The following BRD7 variants were observed in gnomAD, a reference collection of about 807,000 sequenced individuals.
BRD7 encodes bromodomain-containing protein 7.
BRD7 carries 15 observed loss-of-function variants against 82.1 expected under a neutral mutation model. The ratio of observed to expected loss-of-function variants is 0.18; its 90% CI spans 0.12 to 0.28. The LOEUF (loss-of-function observed/expected upper bound fraction) is 0.28. Ranked by LOEUF, BRD7 falls within the 10% of genes least tolerant of loss-of-function variation. The pLI is 1.00. For synonymous variants in BRD7, 232 were observed against 266.9 expected (o/e 0.87, Z 1.27); for missense variants, 638 against 779.9 (o/e 0.82, Z 2.17).
intron 2 of BRD7, among the ~76,000 whole-genome samples, chr16:50,364,609 A>G (rs2039066779): frequency 6.6e-6 from 1 of 152,194 alleles, no homozygotes; most frequent in Non-Finnish European, 1.5e-5. Flanking sequence ...ATACAATGGG[A>G]CTAATGATCT....
At position 50,325,817 on chromosome 16, in the gene BRD7, A is replaced by G; in HGVS notation, c.1262T>C (p.Ile421Thr). 2 of 1,612,552 alleles carry G rather than the reference A, an allele frequency of 1.2e-6. No individual in the cohort carries two copies. Among genetic ancestry groups the G allele is most frequent in the Admixed American group, 1.7e-5 (1 of 59,596 alleles). ...APHYDSTFAN[I>T]SKDDSDLIYS... is the part of the protein sequence containing the mutation. ...GATTAAATCAGAATCATCCTTGCTG[A>G]TATTTGCAAATGTGGAGTCATAATG... is the stretch of plus-strand genomic sequence containing the variant. The change falls in exon 11 of 17, where the codon ATC becomes ACC. Residue 421 changes from isoleucine (I) to threonine (T), a missense_variant. Ile to Thr is a moderately conservative substitution (Grantham distance 89). Transcript: ENST00000394688.
At chr16:50,334,524 C>CAA (rs988101084) in intron 7 of BRD7, among the ~76,000 whole-genome samples, 187 bp downstream of exon 7, 2 of 152,242 alleles carry the variant, frequency 1.3e-5, no homozygotes, top group Middle Eastern at 6.8e-3. Flanking sequence ...TGTGTTTGGA[C>CAA]AATCCCATAT....
In BRD7 at chr16:50,352,442, A is replaced by T. The variant is rs2038566305; in HGVS notation, c.446+1983T>A. ...ATACCACATTTTAAAAAATGCATTC[A>T]TCCATTGATGGGCACTTAGACTGAT... On this transcript the variant is annotated intron_variant, in intron 4 of 16. Transcript: ENST00000394688. Among the ~76,000 whole-genome samples the T allele has an allele frequency of 2.0e-5, 3 of 152,322 alleles. No homozygotes were observed. The South Asian group carries it at 6.2e-4, about 32-fold the overall frequency.
chr16:50,345,025 A>G (rs1479431196), intron 5 of BRD7, among the ~76,000 whole-genome samples: 1 of 152,208 alleles, frequency 6.6e-6, no homozygotes, highest in African/African-American at 2.4e-5. Context: ...GAGAAAGGTC[A>G]GGTTACCCAC....
Position 50,325,767 on chromosome 16 carries a change from C to G in BRD7, c.1312G>C (p.Asp438His), listed in dbSNP as rs758888953. 2 of 1,596,738 alleles carry G rather than the reference C, an allele frequency of 1.3e-6. No individual in the cohort carries two copies. The highest frequency in any genetic ancestry group is 4.5e-5 in the East Asian group (2 of 44,636). The part of the protein sequence containing the change: ...LIYSTYGEDS[D>H]LPSDFSIHEF... Reference sequence around the variant, plus strand: ...ACTCACCTGAAATCACTTGGAAGATCAGAGTCTTCCCCATAGGTTGAATAG... The same window carrying G: ...ACTCACCTGAAATCACTTGGAAGATGAGAGTCTTCCCCATAGGTTGAATAG... The change falls in exon 11 of 17, where the codon GAT becomes CAT. Residue 438 changes from aspartate to histidine, a missense_variant. Asp to His is a moderately conservative substitution (Grantham distance 81). Transcript: ENST00000394688.
In BRD7 at chr16:50,317,853, AAAT is replaced by A; in HGVS notation, c.*1355_*1357del. 1 of 152,414 alleles carries A rather than the reference AAAT, an allele frequency of 6.6e-6. No individual in the cohort carries two copies. Among genetic ancestry groups the A allele is most frequent in the East Asian group, 1.9e-4 (1 of 5,294 alleles). 9.4% of individuals were successfully genotyped at this position (152,414 alleles called of 1,614,324 possible). A position where few individuals can be genotyped will look rare whatever the true frequency, so the allele number is the denominator to read the frequency against. The stretch of plus-strand genomic sequence containing the variant: ...ATTTCTCCTGAGTTAACTTTTGTGA[AAAT>A]AATACCTAAGGTTTTCTGGCTTATT... On this transcript the variant is annotated 3_prime_UTR_variant, in exon 17 of 17. Transcript: ENST00000394688.
intron 13 of BRD7, 134 bp downstream of exon 13, chr16:50,321,848 T>A: frequency 6.6e-6 from 5 of 761,482 alleles, no homozygotes; most frequent in Non-Finnish European, 8.8e-6. Flanking sequence ...GGTTTGCCAT[T>A]TCAGCTAGGC....
Position 50,342,192 on chromosome 16 carries a change from A to G in BRD7, c.592-2106T>C, listed in dbSNP as rs2038093136. Reference sequence around the variant, plus strand: ...TCATGCAGAAAAAAAACAAAAAACAAAAAACTGTGAAATTCTTTCCCATTA... The same window carrying G: ...TCATGCAGAAAAAAAACAAAAAACAGAAAACTGTGAAATTCTTTCCCATTA... On this transcript the variant is annotated intron_variant, in intron 5 of 16. Transcript: ENST00000394688. 2.6e-5 allele frequency among the ~76,000 whole-genome samples: 4 copies of G among 152,076 alleles called. No homozygotes were observed. In the South Asian group the frequency reaches 8.3e-4, roughly 32 times the overall value.
intron 8 of BRD7, among the ~76,000 whole-genome samples, chr16:50,328,969 A>C (rs1269147527): frequency 6.6e-6 from 1 of 152,206 alleles, no homozygotes; most frequent in Non-Finnish European, 1.5e-5. Context: ...TTATACAATA[A>C]ATAATTTTGT....
chr16:50,333,804 C>A, intron 7 of BRD7, 107 bp from the exon 8 acceptor site: 1 of 962,066 alleles, frequency 1.0e-6, no homozygotes, highest in Admixed American at 2.6e-5. Flanking sequence ...GACATTTGTA[C>A]TACAGTCACT....
chr16:50,350,186 G>A lies in BRD7; in HGVS notation c.447-19C>T. The A allele has an allele frequency of 6.5e-7, 1 of 1,533,976 alleles. No homozygotes were observed. Among genetic ancestry groups the A allele is most frequent in the Non-Finnish European group, 8.7e-7 (1 of 1,144,108 alleles). On this transcript the variant is annotated intron_variant, in intron 4 of 16. Transcript: ENST00000394688. The stretch of plus-strand genomic sequence containing the variant: ...ATCTTTTCTGTAAAGATATGCAAAA[G>A]ACAATGTAATATTTTATTCTATTAC...
Position 50,319,883 on chromosome 16 carries a change from G to A in BRD7, c.1900+4C>T, listed in dbSNP as rs370908080. On this transcript the variant is annotated splice_donor_region_variant and intron_variant, in intron 16 of 16. Transcript: ENST00000394688. ...TGCTTTCCCAGAGAAAACAGGGCAC[G>A]TACCTTCTGTCAAATCCACAAAGTT... 3.7e-6 allele frequency: 6 copies of A among 1,611,022 alleles called. No homozygotes were observed. The highest frequency in any genetic ancestry group is 4.2e-6 in the Non-Finnish European group (5 of 1,179,500).
chr16:50,353,496 A>T (rs896743071), intron 4 of BRD7, among the ~76,000 whole-genome samples: 3 of 152,230 alleles, frequency 2.0e-5, no homozygotes, highest in Non-Finnish European at 4.4e-5. Flanking sequence ...AAAATGTATG[A>T]TCTACAACCA....
At chr16:50,329,756 C>T (rs374204769) in intron 8 of BRD7, among the ~76,000 whole-genome samples, 10 of 152,116 alleles carry the variant, frequency 6.6e-5, no homozygotes, top group African/African-American at 2.2e-4. Context: ...GCCCAGCTAG[C>T]AGCAGAAGCA....
At chr16:50,338,691 T>C (rs1169716645) in intron 6 of BRD7, among the ~76,000 whole-genome samples, 1 of 152,176 alleles carries the variant, frequency 6.6e-6, no homozygotes, top group Non-Finnish European at 1.5e-5. Context: ...CTACCTCTTA[T>C]CTAGAATCAG....
At chr16:50,324,347 T>C (rs1555529220) in intron 11 of BRD7, among the ~76,000 whole-genome samples, 1 of 152,172 alleles carries the variant, frequency 6.6e-6, no homozygotes, top group Non-Finnish European at 1.5e-5. Flanking sequence ...ACTTCTGCCC[T>C]TGCCTCTCTA....
chr16:50,344,485 T>C lies in BRD7; in HGVS notation c.592-4399A>G, dbSNP rs533977809. 2.6e-5 allele frequency among the ~76,000 whole-genome samples: 4 copies of C among 152,274 alleles called. No individual in the cohort carries two copies. The South Asian group carries it at 8.3e-4, about 32-fold the overall frequency. ...AACTTCTCTGAGCTCAAGGAAGATG[T>C]TTGAACCCATTGCAAAGAAGCTAAA... is the stretch of plus-strand genomic sequence containing the variant. On this transcript the variant is annotated intron_variant, in intron 5 of 16. Coordinates refer to ENST00000394688, the MANE Select transcript of BRD7 (RefSeq NM_013263.5).
At chr16:50,366,302 A>C (rs926812244) in intron 2 of BRD7, among the ~76,000 whole-genome samples, 5 of 152,212 alleles carry the variant, frequency 3.3e-5, no homozygotes, top group African/African-American at 4.8e-5. Flanking sequence ...TCCAGGAAGC[A>C]GGTGAAGGAG....
At chr16:50,335,016 A>G in intron 6 of BRD7, 121 bp from the exon 7 acceptor site, 2 of 936,928 alleles carry the variant, frequency 2.1e-6, no homozygotes, top group Non-Finnish European at 3.1e-6. Context: ...AAACAATTAA[A>G]TGTAATCATA....
Sources: gnomAD v4.1 joint callset for allele counts (sites outside exome capture counted in the v4.1 genomes callset) on GRCh38, gnomAD v4.1.1 for gene constraint, MANE v1.5 for transcripts, NCBI Gene and HGNC (gene_info 2026-07-23, HGNC 2026-07-21) for gene names.